Variants in CPT1B observed in about 807,000 individuals in gnomAD.
CPT1B encodes carnitine palmitoyltransferase 1B.
CPT1B carries 57 observed loss-of-function variants against 92.7 expected under a neutral mutation model. That is an observed-to-expected ratio of 0.62 (90% CI 0.50 to 0.77). The LOEUF is 0.77. CPT1B is among the 30% of genes least tolerant of loss of function. CPT1B has a pLI of 0.00. For missense variants in CPT1B, 983 were observed against 1,017.4 expected (o/e 0.97, Z 0.46); for synonymous variants, 398 against 383.5 (o/e 1.04, Z -0.44).
rs1304360019 is a variant in CPT1B at position 50,576,890 on chromosome 22, A to G, written c.426T>C (p.His142=). The G allele has an allele frequency of 1.9e-6, 3 of 1,613,930 alleles. No homozygotes were observed. Among genetic ancestry groups the G allele is most frequent in the Non-Finnish European group, 2.5e-6 (3 of 1,180,008 alleles). The change falls in exon 4 of 20, where the codon CAT becomes CAC. Residue 142 remains histidine, a synonymous_variant. Coordinates refer to ENST00000312108, the MANE Select transcript of CPT1B (RefSeq NM_152246.3). ...TCCTGGTCAAGTTGCTGGTCTTGCCATGCATCTCAAACATCCACCCATGGT... is the reference window on the plus strand; with the variant it reads ...TCCTGGTCAAGTTGCTGGTCTTGCCGTGCATCTCAAACATCCACCCATGGT... The part of the protein sequence containing the change: ...LCYHGWMFEM[H]GKTSNLTRIW...
At chr22:50,574,234 T>C (rs2070326159) in intron 9 of CPT1B, 101 bp downstream of exon 9, 2 of 907,800 alleles carry the variant, frequency 2.2e-6, no homozygotes, top group South Asian at 2.9e-5. Context: ...CTGTTCACAG[T>C]TTCAGGACCC....
In CPT1B at chr22:50,576,354, T is replaced by C. The variant is rs780382790; in HGVS notation, c.562-19A>G. On this transcript the variant is annotated intron_variant, in intron 5 of 19. Coordinates refer to ENST00000312108, the MANE Select transcript of CPT1B (RefSeq NM_152246.3). ...CTAGGTACTGTCCAGCCAGTTATCA[T>C]CACCGTGGGGCCAGATGGCAAGGGC... 13 of 1,613,778 alleles carry C rather than the reference T, an allele frequency of 8.1e-6. No individual in the cohort carries two copies. The highest frequency in any genetic ancestry group is 1.1e-5 in the Non-Finnish European group (13 of 1,179,918).
rs543736845 is a variant in CPT1B at position 50,576,777 on chromosome 22, T to C, written c.459+80A>G. On this transcript the variant is annotated intron_variant, in intron 4 of 19. Coordinates refer to ENST00000312108, the MANE Select transcript of CPT1B (RefSeq NM_152246.3). ...CAGGCACCAGTGCCCTGTCTGCCTCTCCCGTCTAGCTCAGAACCCCAAAGG... is the reference window on the plus strand; with the variant it reads ...CAGGCACCAGTGCCCTGTCTGCCTCCCCCGTCTAGCTCAGAACCCCAAAGG... 9.5e-4 allele frequency: 1,503 copies of C among 1,582,386 alleles called. 26 individuals are homozygous for C. In the South Asian group the frequency reaches 0.016, roughly 17 times the overall value.
At chr22:50,577,195 TA>T in intron 3 of CPT1B, 128 bp downstream of exon 3, 1 of 1,399,776 alleles carries the variant, frequency 7.1e-7, no homozygotes, top group Non-Finnish European at 9.8e-7. Flanking sequence ...ATGGTTGTCA[TA>T]GGGGAGGGCT....
At chr22:50,577,549 T>C in intron 2 of CPT1B, 86 bp from the exon 3 acceptor site, 2 of 1,548,892 alleles carry the variant, frequency 1.3e-6, no homozygotes, top group Non-Finnish European at 1.7e-6. Flanking sequence ...CTCCTGGTCT[T>C]GGCCTGGAAG....
In CPT1B at chr22:50,577,943, G is replaced by C. The variant is rs768176899; in HGVS notation, c.-19-9C>G. The C allele has an allele frequency of 1.2e-5, 19 of 1,593,346 alleles. No homozygotes were observed. Among genetic ancestry groups the C allele is most frequent in the Non-Finnish European group, 1.6e-5 (19 of 1,166,834 alleles). On this transcript the variant is annotated splice_polypyrimidine_tract_variant and intron_variant, in intron 1 of 19. Coordinates refer to ENST00000312108, the MANE Select transcript of CPT1B (RefSeq NM_152246.3). ...TGGGGGTTGGTCGGCACCTAGGACG[G>C]GGGCAGATGGGTGCGCGGGCGCGCT...
Position 50,573,434 on chromosome 22 carries a change from T to C in CPT1B, c.1166+86A>G. ...CCCTAGTTGTGCCTCCAGCCTCCAGTTCCAGGGTGGCAGGCAGGGCCACGC... is the reference window on the plus strand; with the variant it reads ...CCCTAGTTGTGCCTCCAGCCTCCAGCTCCAGGGTGGCAGGCAGGGCCACGC... On this transcript the variant is annotated intron_variant, in intron 10 of 19. Transcript: ENST00000312108. The surrounding 1 kb of genome is among the most constrained non-coding windows in gnomAD (Gnocchi z 5.0). 8.1e-7 allele frequency: 1 copy of C among 1,240,662 alleles called. No individual in the cohort carries two copies. The highest frequency in any genetic ancestry group is 1.4e-5 in the South Asian group (1 of 69,484). 76.9% of individuals were successfully genotyped at this position (1,240,662 alleles called of 1,614,324 possible).
intron 18 of CPT1B, 37 bp from the exon 19 acceptor site, chr22:50,569,458 T>C (rs768151366): frequency 2.5e-6 from 4 of 1,611,892 alleles, no homozygotes; most frequent in African/African-American, 2.7e-5. Flanking sequence ...CCTTCAGATA[T>C]GTACCCACCC....
rs1409938489 is a variant in CPT1B at position 50,569,029 on chromosome 22, T to TGGGGGA, written c.*49_*54dup. 1.6e-5 allele frequency: 5 copies of TGGGGGA among 307,340 alleles called. No individual in the cohort carries two copies. Among genetic ancestry groups the TGGGGGA allele is most frequent in the Non-Finnish European group, 6.2e-6 (1 of 162,360 alleles). The allele number at this position is 307,340 out of a possible 1,614,324, so 19.0% of individuals were successfully genotyped here. ...CTCTTGCCACCTCTGTGGTCTGAGC[T>TGGGGGA]GGGGGAGGGGGAGGGCCTCCGAGTT... is the stretch of plus-strand genomic sequence containing the variant. On this transcript the variant is annotated 3_prime_UTR_variant, in exon 20 of 20. Coordinates refer to ENST00000312108, the MANE Select transcript of CPT1B (RefSeq NM_152246.3).
At chr22:50,578,033 C>T in intron 1 of CPT1B, 99 bp from the exon 2 acceptor site, 5 of 785,904 alleles carry the variant, frequency 6.4e-6, no homozygotes, top group Non-Finnish European at 8.2e-6. Flanking sequence ...CTCGCGCCCC[C>T]CACCCCGCGA....
chr22:50,577,204 G>T, intron 3 of CPT1B, 120 bp downstream of exon 3: 2 of 1,423,558 alleles, frequency 1.4e-6, no homozygotes, highest in Non-Finnish European at 1.9e-6. Flanking sequence ...ATAGGGGAGG[G>T]CTGCCCCGTG....
At position 50,571,030 on chromosome 22, in the gene CPT1B, C is replaced by T. The variant is rs746236569; in HGVS notation, c.1889G>A (p.Arg630Gln). ...MEGSHTKADL[R>Q]DLFQKAAKKH... ...CTTAGCAGCCTTCTGGAAGAGATCT[C>T]GCAGGTCTGCTTTCTGCGGGGCAGA... is the stretch of plus-strand genomic sequence containing the variant. Residue 630 changes from arginine to glutamine, a missense_variant, in exon 16 of 20, where the codon CGA (arginine) becomes CAA (glutamine). By Grantham distance (43) the Arg-to-Gln change is conservative. Transcript: ENST00000312108. 17 of 1,613,884 alleles carry T rather than the reference C, an allele frequency of 1.1e-5. 1 individual carries two copies. The South Asian group carries it at 1.6e-4, about 16-fold the overall frequency.
In CPT1B at chr22:50,573,499, T is replaced by A. The variant is rs1603443346; in HGVS notation, c.1166+21A>T. On this transcript the variant is annotated intron_variant, in intron 10 of 19. Coordinates refer to ENST00000312108, the MANE Select transcript of CPT1B (RefSeq NM_152246.3). The surrounding 1 kb of genome is among the most constrained non-coding windows in gnomAD (Gnocchi z 5.0). ...AGCCCTGAACTCAGGGTGGGGACAG[T>A]CCCTTCCTAGAGGCCAATACCTTCC... The A allele has an allele frequency of 6.3e-6, 10 of 1,586,730 alleles. No homozygotes were observed. The highest frequency in any genetic ancestry group is 8.6e-6 in the Non-Finnish European group (10 of 1,164,010).
In CPT1B at chr22:50,571,507, C is replaced by G; in HGVS notation, c.1608G>C (p.Val536=). The change falls in exon 14 of 20, where the codon GTG becomes GTC. Residue 536 remains valine, a synonymous_variant. Coordinates refer to ENST00000312108, the MANE Select transcript of CPT1B (RefSeq NM_152246.3). ...CQAVIESSYQ[V]AKALADDVEL... is the part of the protein sequence containing the mutation. The stretch of plus-strand genomic sequence containing the variant: ...CCACGTCGTCTGCCAACGCCTTGGC[C>G]ACCTGGTAGGAACTCTCGATGACCG... The G allele has an allele frequency of 6.2e-7, 1 of 1,613,430 alleles. No homozygotes were observed. Among genetic ancestry groups the G allele is most frequent in the Non-Finnish European group, 8.5e-7 (1 of 1,180,024 alleles).
At chr22:50,571,568 G>C (rs2070176183) in intron 13 of CPT1B, 29 bp from the exon 14 acceptor site, 5 of 1,604,836 alleles carry the variant, frequency 3.1e-6, no homozygotes, top group Non-Finnish European at 3.4e-6. Flanking sequence ...GGTCAGCTGA[G>C]GGTAGGGCTC....
At chr22:50,576,824 G>C (rs371900154) in intron 4 of CPT1B, 33 bp downstream of exon 4, 7 of 1,612,672 alleles carry the variant, frequency 4.3e-6, no homozygotes, top group Non-Finnish European at 5.9e-6. Context: ...TCTCAACCCA[G>C]GTGCCTGAAC....
chr22:50,574,364 T>C lies in CPT1B; in HGVS notation c.941A>G (p.Asn314Ser), dbSNP rs1483969027. Residue 314 changes from asparagine (N) to serine (S), a missense_variant, in exon 9 of 20, where the codon AAC (asparagine) becomes AGC (serine). Transcript: ENST00000312108. ...GTCCTTGCCCGGGATCCGAGTGGTG[T>C]TGAACATCCTCTCCATCTGGTAGGA... is the stretch of plus-strand genomic sequence containing the variant. ...MCSYQMERMF[N>S]TTRIPGKDTD... is the part of the protein sequence containing the mutation. The C allele has an allele frequency of 6.2e-7, 1 of 1,613,914 alleles. No individual in the cohort carries two copies. The highest frequency in any genetic ancestry group is 1.3e-5 in the African/African-American group (1 of 75,032).
Position 50,573,702 on chromosome 22 carries a change from G to A in CPT1B, c.984C>T (p.His328=), listed in dbSNP as rs549017663. 1.9e-6 allele frequency: 3 copies of A among 1,612,498 alleles called. No homozygotes were observed. The highest frequency in any genetic ancestry group is 2.2e-5 in the East Asian group (1 of 44,844). The change falls in exon 10 of 20, where the codon CAC becomes CAT. Residue 328 remains histidine (H), a synonymous_variant. Coordinates refer to ENST00000312108, the MANE Select transcript of CPT1B (RefSeq NM_152246.3). The surrounding 1 kb of genome is among the most constrained non-coding windows in gnomAD (Gnocchi z 5.0). ...IPGKDTDVLQ[H]LSDSRHVAVY... ...CAGCCACGTGCCGGCTGTCTGAGAG[G>A]TGCTGTAGCACATCTGTGATACAGG...
Position 50,570,993 on chromosome 22 carries a change from A to T in CPT1B, c.1926T>A (p.Asn642Lys). ...LFQKAAKKHQ[N>K]MYRLAMTGAG... ...CCCCGGTCATGGCCAGGCGGTACAT[A>T]TTCTGGTGCTTCTTAGCAGCCTTCT... Residue 642 changes from asparagine (N) to lysine (K), a missense_variant, in exon 16 of 20, where the codon AAT (asparagine) becomes AAA (lysine). Coordinates refer to ENST00000312108, the MANE Select transcript of CPT1B (RefSeq NM_152246.3). The T allele has an allele frequency of 6.2e-7, 1 of 1,614,034 alleles. No individual in the cohort carries two copies. The highest frequency in any genetic ancestry group is 8.5e-7 in the Non-Finnish European group (1 of 1,180,026).
Sources: allele counts gnomAD v4.1 joint callset, GRCh38; gene constraint gnomAD v4.1.1; non-coding constraint Gnocchi (gnomAD v3.1); transcripts MANE v1.5; gene names NCBI Gene and HGNC (gene_info 2026-07-23, HGNC 2026-07-21).